The following ARHGEF4 variants were observed in gnomAD, a reference collection of about 807,000 sequenced individuals.
The protein encoded by ARHGEF4 is APC-stimulated guanine nucleotide exchange factor 1.
Under a neutral mutation model 162.0 loss-of-function variants are expected in ARHGEF4, and 119 were observed. That is an observed-to-expected ratio of 0.73 (90% confidence interval 0.63 to 0.86). The LOEUF is 0.86. Ranked by LOEUF, ARHGEF4 falls within the 40% of genes least tolerant of loss-of-function variation. The pLI is 0.00. For synonymous variants in ARHGEF4, 1,014 were observed against 979.9 expected, an observed-to-expected ratio of 1.03 and a Z score of -0.65; for missense variants, 2,488 against 2,456.0, an observed-to-expected ratio of 1.01 and a Z score of -0.28.
chr2:131,046,050 C>G lies in ARHGEF4; in HGVS notation c.5492C>G (p.Pro1831Arg). Residue 1831 changes from proline to arginine, a missense_variant, in exon 14 of 14, where the codon CCC becomes CGC. Pro to Arg is a moderately radical substitution (Grantham distance 103, BLOSUM62 -2). This residue lies in a region of ARHGEF4 where 415 missense variants were observed against 512.4 expected (regional missense o/e 0.81). Transcript: ENST00000409359. Reference sequence around the variant, plus strand: ...TCTCCCTGTTCAGCTGTTGGCCGGCCCTGCTACCTGACGCGCCAGAAGCAC... The same window carrying G: ...TCTCCCTGTTCAGCTGTTGGCCGGCGCTGCTACCTGACGCGCCAGAAGCAC... ...VTGKPKAVGR[P>R]CYLTRQKHPA... The G allele has an allele frequency of 6.2e-7, 1 of 1,611,462 alleles. No individual in the cohort carries two copies. Among genetic ancestry groups the G allele is most frequent in the Non-Finnish European group, 8.5e-7 (1 of 1,178,902 alleles).
chr2:130,902,741 A>G (rs935913860), intron 1 of ARHGEF4, among the ~76,000 whole-genome samples: 1 of 152,224 alleles, frequency 6.6e-6, no homozygotes, highest in Admixed American at 6.5e-5. Context: ...GCGTGAGTGC[A>G]TGCAGAGGCC....
chr2:131,033,915 T>C (rs926698627), intron 5 of ARHGEF4, among the ~76,000 whole-genome samples: 1 of 152,162 alleles, frequency 6.6e-6, no homozygotes, highest in Non-Finnish European at 1.5e-5. Flanking sequence ...GGTACCCATA[T>C]GTATATACAC....
chr2:130,980,437 GACTA>G (rs199601292), intron 4 of ARHGEF4, among the ~76,000 whole-genome samples: 174 of 150,346 alleles, frequency 1.2e-3, no homozygotes, highest in Non-Finnish European at 1.7e-3. Flanking sequence ...AGCAAAATAA[GACTA>G]ACTAACATTT....
chr2:131,022,889 C>G (rs1006030304), intron 4 of ARHGEF4, among the ~76,000 whole-genome samples: 1 of 151,142 alleles, frequency 6.6e-6, no homozygotes, highest in African/African-American at 2.4e-5. Flanking sequence ...AAAAGATAAG[C>G]TACAGACTGA....
chr2:130,847,219 C>G (rs1292758377), intron 1 of ARHGEF4, among the ~76,000 whole-genome samples: 2 of 152,212 alleles, frequency 1.3e-5, no homozygotes, highest in African/African-American at 4.8e-5. Context: ...TCTGGCCTTT[C>G]CGGACACTGC....
intron 4 of ARHGEF4, among the ~76,000 whole-genome samples, chr2:131,009,804 A>G (rs1422133788): frequency 2.6e-5 from 4 of 152,188 alleles, no homozygotes; most frequent in Admixed American, 2.6e-4. Flanking sequence ...GTTGCTTCAG[A>G]CACCTGCATC....
intron 1 of ARHGEF4, among the ~76,000 whole-genome samples, chr2:130,901,816 C>T (rs959015552): frequency 1.3e-5 from 2 of 152,148 alleles, no homozygotes; most frequent in Non-Finnish European, 2.9e-5. Flanking sequence ...CCACCGTGCC[C>T]GGCCTGAGTC....
chr2:131,024,199 T>C (rs1304514900), intron 4 of ARHGEF4, among the ~76,000 whole-genome samples: 1 of 151,546 alleles, frequency 6.6e-6, no homozygotes, highest in Non-Finnish European at 1.5e-5. Context: ...CAGTGCCGTC[T>C]GTACTATAGT....
chr2:130,991,438 G>A (rs1686951231), intron 4 of ARHGEF4, among the ~76,000 whole-genome samples: 2 of 152,238 alleles, frequency 1.3e-5, no homozygotes, highest in South Asian at 2.1e-4. Context: ...CTTGCAGGGA[G>A]GTGTGGAGGG....
intron 4 of ARHGEF4, among the ~76,000 whole-genome samples, chr2:131,014,757 G>A (rs1346806716): frequency 2.6e-5 from 4 of 152,188 alleles, no homozygotes; most frequent in African/African-American, 9.7e-5. Flanking sequence ...CAGATTTCTT[G>A]TAGGAGTCAC....
chr2:130,872,060 G>A (rs931717786), intron 1 of ARHGEF4, among the ~76,000 whole-genome samples: 1 of 152,244 alleles, frequency 6.6e-6, no homozygotes, highest in Non-Finnish European at 1.5e-5. Flanking sequence ...ACCGCAGCGC[G>A]GTTCAGGTCA....
chr2:130,978,343 C>T (rs1685889246), intron 4 of ARHGEF4, among the ~76,000 whole-genome samples: 1 of 152,212 alleles, frequency 6.6e-6, no homozygotes, highest in African/African-American at 2.4e-5. Context: ...ATAGAGTTTT[C>T]TTCTGACATA....
chr2:130,854,359 G>A (rs1255960388), intron 1 of ARHGEF4, among the ~76,000 whole-genome samples: 1 of 152,052 alleles, frequency 6.6e-6, no homozygotes, highest in Admixed American at 6.5e-5. Flanking sequence ...AGGTCATCAC[G>A]CCCCACCTCT....
chr2:130,953,734 T>C (rs1344546451), intron 4 of ARHGEF4, among the ~76,000 whole-genome samples: 1 of 152,102 alleles, frequency 6.6e-6, no homozygotes, highest in Non-Finnish European at 1.5e-5. Flanking sequence ...TGTCAAAAAG[T>C]GGGCAAAGGA....
chr2:130,848,897 T>C (rs1681188874), intron 1 of ARHGEF4, among the ~76,000 whole-genome samples: 1 of 152,098 alleles, frequency 6.6e-6, no homozygotes, highest in South Asian at 2.1e-4. Flanking sequence ...ATTCTGGAGC[T>C]GGAGGGTGGT....
At chr2:130,867,383 G>A (rs1274119847) in intron 1 of ARHGEF4, among the ~76,000 whole-genome samples, 1 of 151,872 alleles carries the variant, frequency 6.6e-6, no homozygotes, top group African/African-American at 2.4e-5. Flanking sequence ...GATTACAGGT[G>A]CGTGCCACTG....
At chr2:130,941,829 A>C (rs1683320334) in intron 3 of ARHGEF4, among the ~76,000 whole-genome samples, 1 of 152,180 alleles carries the variant, frequency 6.6e-6, no homozygotes, top group Admixed American at 6.6e-5. Context: ...GCAGAAGTGG[A>C]AGAAAATCCA....
At chr2:130,969,269 G>A (rs1685203071) in intron 4 of ARHGEF4, among the ~76,000 whole-genome samples, 1 of 152,146 alleles carries the variant, frequency 6.6e-6, no homozygotes, top group Non-Finnish European at 1.5e-5. Flanking sequence ...AGTTTTTACT[G>A]ATATGTACCA....
chr2:130,846,789 G>A (rs1680998630), intron 1 of ARHGEF4, among the ~76,000 whole-genome samples: 1 of 152,176 alleles, frequency 6.6e-6, no homozygotes, highest in Non-Finnish European at 1.5e-5. Context: ...TCTGTGGTCA[G>A]GGCAATGCAC....
Sources: gnomAD v4.1 joint callset for allele counts (sites outside exome capture counted in the v4.1 genomes callset) on GRCh38, gnomAD v4.1.1 for gene constraint, gnomAD v4.1.1 regional missense constraint, MANE v1.5 for transcripts, NCBI Gene and HGNC (gene_info 2026-07-23, HGNC 2026-07-21) for gene names.